Variants in IQCB1 observed in about 807,000 individuals in gnomAD.
The protein encoded by IQCB1 is IQ calmodulin-binding motif-containing protein 1.
IQCB1 carries 56 observed loss-of-function variants against 84.4 expected under a neutral mutation model. The observed-to-expected ratio is 0.66, with a 90% CI of 0.54 to 0.83. IQCB1 has a LOEUF of 0.83. Among genes scored for constraint, IQCB1 ranks in the 40% least tolerant of loss-of-function variants. IQCB1 has a pLI of 0.00. For synonymous variants in IQCB1, 210 were observed against 234.8 expected, an observed-to-expected ratio of 0.89 and a Z score of 0.96; for missense variants, 629 against 682.1, an observed-to-expected ratio of 0.92 and a Z score of 0.87.
At chr3:121,816,364 A>G (rs949951794) in intron 5 of IQCB1, among the ~76,000 whole-genome samples, 4 of 152,194 alleles carry the variant, frequency 2.6e-5, no homozygotes, top group African/African-American at 9.6e-5. Flanking sequence ...GCATAGGCAA[A>G]GATTTCATGG....
At chr3:121,798,113 T>C (rs1194350164) in intron 8 of IQCB1, among the ~76,000 whole-genome samples, 1 of 151,964 alleles carries the variant, frequency 6.6e-6, no homozygotes, top group African/African-American at 2.4e-5. Flanking sequence ...CACATTTCTT[T>C]AGGAATTGAA....
intron 12 of IQCB1, among the ~76,000 whole-genome samples, chr3:121,787,507 C>T (rs951793035): frequency 6.6e-6 from 1 of 152,174 alleles, no homozygotes; most frequent in African/African-American, 2.4e-5. Flanking sequence ...AATCCCAGCA[C>T]TTTCGGAGGC....
chr3:121,778,271 T>C (rs1287022237), intron 13 of IQCB1, among the ~76,000 whole-genome samples: 1 of 152,194 alleles, frequency 6.6e-6, no homozygotes, highest in Non-Finnish European at 1.5e-5. Flanking sequence ...AGATTCTAGA[T>C]ATTAGCCCTT....
rs756107852 is a variant in IQCB1, at chr3:121,795,563, G to C, written c.880C>G (p.Leu294Val). The change falls in exon 10 of 15, where the codon CTA becomes GTA. Residue 294 changes from leucine (L) to valine (V), a missense_variant. Leu to Val is a conservative substitution (Grantham distance 32, BLOSUM62 1). Transcript: ENST00000310864. ...MVYQEVEEQK[L>V]HQAACLIQAY... Reference sequence around the variant, plus strand: ...TGAATCAAGCATGCTGCTTGATGTAGTTTCTGAAATGCCGAAAATAATTTA... The same window carrying C: ...TGAATCAAGCATGCTGCTTGATGTACTTTCTGAAATGCCGAAAATAATTTA... 49 of 1,570,664 alleles carry C rather than the reference G, an allele frequency of 3.1e-5. No individual in the cohort carries two copies. The Admixed American group carries it at 8.2e-4, about 26-fold the overall frequency.
At chr3:121,788,693 A>G (rs1268947642) in intron 11 of IQCB1, among the ~76,000 whole-genome samples, 1 of 151,808 alleles carries the variant, frequency 6.6e-6, no homozygotes, top group East Asian at 1.9e-4. Context: ...AATCCAATAC[A>G]AAGAACACTA....
intron 12 of IQCB1, among the ~76,000 whole-genome samples, chr3:121,783,206 A>C (rs1948576350): frequency 6.6e-6 from 1 of 152,198 alleles, no homozygotes; most frequent in Non-Finnish European, 1.5e-5. Flanking sequence ...TAGAATTCTT[A>C]CTAGAGTTAC....
intron 2 of IQCB1, among the ~76,000 whole-genome samples, chr3:121,833,268 C>T (rs1420960737): frequency 6.6e-6 from 1 of 152,174 alleles, no homozygotes; most frequent in Non-Finnish European, 1.5e-5. Context: ...CTTTGGTTCA[C>T]AACTGTATTC....
chr3:121,778,579 T>C (rs538392391), intron 13 of IQCB1, among the ~76,000 whole-genome samples: 10 of 151,962 alleles, frequency 6.6e-5, no homozygotes, highest in African/African-American at 2.4e-4. Context: ...GAATTCTAGG[T>C]TGACAACTTT....
intron 12 of IQCB1, among the ~76,000 whole-genome samples, chr3:121,786,159 A>C (rs1016218690): frequency 8.0e-5 from 11 of 137,114 alleles, no homozygotes; most frequent in African/African-American, 1.8e-4. Context: ...AGACAGAGAG[A>C]GATTCTGTCT....
chr3:121,775,529 C>T (rs535284192), intron 13 of IQCB1, among the ~76,000 whole-genome samples: 1 of 152,250 alleles, frequency 6.6e-6, no homozygotes, highest in South Asian at 2.1e-4. Flanking sequence ...ATGTAGATGA[C>T]AGGTTGATGG....
chr3:121,788,584 C>T, intron 11 of IQCB1, 152 bp from the exon 12 acceptor site: 1 of 776,894 alleles, frequency 1.3e-6, no homozygotes, highest in Non-Finnish European at 2.1e-6. Flanking sequence ...TACCATGGTT[C>T]TAAGATTTTA....
At chr3:121,785,351 CA>C (rs1948665306) in intron 12 of IQCB1, among the ~76,000 whole-genome samples, 1 of 151,846 alleles carries the variant, frequency 6.6e-6, no homozygotes, top group African/African-American at 2.4e-5. Context: ...TTCCCAGGCT[CA>C]GGTGATTTTC....
intron 13 of IQCB1, among the ~76,000 whole-genome samples, chr3:121,773,421 T>C (rs1948093070): frequency 6.6e-6 from 1 of 151,210 alleles, no homozygotes; most frequent in African/African-American, 2.4e-5. Flanking sequence ...CCCAAACTTA[T>C]CCAAGCCATA....
At chr3:121,814,439 G>C (rs1347714628) in intron 5 of IQCB1, among the ~76,000 whole-genome samples, 1 of 152,104 alleles carries the variant, frequency 6.6e-6, no homozygotes, top group Non-Finnish European at 1.5e-5. Context: ...GAAGGAGATA[G>C]AGACACGAAA....
intron 5 of IQCB1, among the ~76,000 whole-genome samples, chr3:121,821,081 C>A (rs1324834804): frequency 6.6e-6 from 1 of 151,760 alleles, no homozygotes; most frequent in Non-Finnish European, 1.5e-5. Flanking sequence ...GCCGTGAGCT[C>A]CTGGGCTCAA....
intron 7 of IQCB1, among the ~76,000 whole-genome samples, chr3:121,801,810 CTTTTT>C (rs5852277): frequency 3.3e-5 from 3 of 89,928 alleles, no homozygotes; most frequent in Non-Finnish European, 6.1e-5. Flanking sequence ...GCTGCAAGGC[CTTTTT>C]TTTTTTTTTT....
chr3:121,815,740 G>A (rs1395146771), intron 5 of IQCB1, among the ~76,000 whole-genome samples: 1 of 148,598 alleles, frequency 6.7e-6, no homozygotes, highest in Non-Finnish European at 1.5e-5. Context: ...ACAAAACACT[G>A]CTCAAGGAAA....
intron 5 of IQCB1, among the ~76,000 whole-genome samples, chr3:121,812,530 G>C (rs968238120): frequency 1.3e-5 from 2 of 152,128 alleles, no homozygotes; most frequent in African/African-American, 4.8e-5. Flanking sequence ...ATTGAAAAAA[G>C]GTTAGACAAA....
At chr3:121,781,371 A>G (rs1427770462) in intron 13 of IQCB1, among the ~76,000 whole-genome samples, 1 of 152,204 alleles carries the variant, frequency 6.6e-6, no homozygotes, top group Non-Finnish European at 1.5e-5. Context: ...GTACATTAGT[A>G]GTCCAACAAA....
Sources: allele counts gnomAD v4.1 joint callset (sites outside exome capture counted in the v4.1 genomes callset), GRCh38; gene constraint gnomAD v4.1.1; transcripts MANE v1.5; gene names NCBI Gene and HGNC (gene_info 2026-07-23, HGNC 2026-07-21).